The following ANKRD46 variants were observed in gnomAD, a reference collection of about 807,000 sequenced individuals.
ANKRD46 encodes ankyrin repeat domain 46.
In ANKRD46, 13 loss-of-function variants were observed where a neutral mutation model predicts 19.8. The observed-to-expected ratio is 0.66, with a 90% confidence interval of 0.43 to 1.04. ANKRD46 has a LOEUF of 1.04. Ranked by LOEUF, ANKRD46 falls within the 50% of genes least tolerant of loss-of-function variation. The pLI, the probability that ANKRD46 is intolerant of heterozygous loss-of-function variation, is 0.00. For synonymous variants in ANKRD46, 91 were observed against 106.9 expected, an observed-to-expected ratio of 0.85 and a Z score of 0.92; for missense variants, 185 against 274.8, an observed-to-expected ratio of 0.67 and a Z score of 2.31.
chr8:100,512,988 A>G (rs1811570771), intron 5 of ANKRD46, among the ~76,000 whole-genome samples: 1 of 152,208 alleles, frequency 6.6e-6, no homozygotes, highest in Non-Finnish European at 1.5e-5. Flanking sequence ...AGAGACTGCT[A>G]GAGTTCCTGA....
chr8:100,550,287 A>G lies in ANKRD46; in HGVS notation c.-131+9424T>C, dbSNP rs1316811595. Among the ~76,000 whole-genome samples, 1 of 152,258 alleles carries G rather than the reference A, an allele frequency of 6.6e-6. No homozygotes were observed. The highest frequency in any genetic ancestry group is 1.9e-4 in the East Asian group (1 of 5,200). On this transcript the variant is annotated intron_variant, in intron 1 of 4. Coordinates refer to ENST00000335659, the MANE Select transcript of ANKRD46 (RefSeq NM_001270377.2). The surrounding 1 kb of genome is among the most constrained non-coding windows in gnomAD (Gnocchi z 4.4). ...CATTTGGCATTCCCACTAGCAATGA[A>G]TAAGAGTTCCTGTTAATCCACATTC...
chr8:100,542,191 T>C (rs2130686644), intron 1 of ANKRD46, among the ~76,000 whole-genome samples: 1 of 152,282 alleles, frequency 6.6e-6, no homozygotes, highest in Non-Finnish European at 1.5e-5. Context: ...ATCACTCTAG[T>C]CTACATTTAC....
chr8:100,553,633 C>G (rs1812438271), intron 1 of ANKRD46, among the ~76,000 whole-genome samples: 2 of 152,094 alleles, frequency 1.3e-5, no homozygotes, highest in South Asian at 4.1e-4. Context: ...CCTGTAGTCG[C>G]AGCTACTTGG....
At chr8:100,547,549 G>A (rs929489046) in intron 1 of ANKRD46, among the ~76,000 whole-genome samples, 1 of 152,210 alleles carries the variant, frequency 6.6e-6, no homozygotes, top group Non-Finnish European at 1.5e-5. Context: ...TTGAGCCTGG[G>A]AGCTTGAGGC....
chr8:100,559,227 C>T lies in ANKRD46; in HGVS notation c.-131+484G>A, dbSNP rs1241599450. ...AGGTGTGCAAATCCTTCCTTTTAAC[C>T]CGGGCACCCCGGAGCCATGTGCCAT... On this transcript the variant is annotated intron_variant, in intron 1 of 4. Transcript: ENST00000335659. The surrounding 1 kb of genome is among the most constrained non-coding windows in gnomAD (Gnocchi z 6.0). 6.6e-6 allele frequency: 1 copy of T among 152,262 alleles called. No homozygotes were observed. The highest frequency in any genetic ancestry group is 1.5e-5 in the Non-Finnish European group (1 of 68,068). 9.4% of individuals were successfully genotyped at this position (152,262 alleles called of 1,614,324 possible). A position where few individuals can be genotyped will look rare whatever the true frequency, so the allele number is the denominator to read the frequency against.
chr8:100,513,964 G>C (rs1811589408), intron 5 of ANKRD46, among the ~76,000 whole-genome samples: 1 of 152,150 alleles, frequency 6.6e-6, no homozygotes, highest in Non-Finnish European at 1.5e-5. Context: ...AAATTTCGGT[G>C]AAACAGTCCA....
rs1811552008 is a variant in ANKRD46 at position 100,511,879 on chromosome 8, G to A, written c.637-1240C>T. 6.6e-6 allele frequency among the ~76,000 whole-genome samples: 1 copy of A among 152,188 alleles called. No homozygotes were observed. Among genetic ancestry groups the A allele is most frequent in the Non-Finnish European group, 1.5e-5 (1 of 68,028 alleles). ...ATCTCTACTAAAAATACAAAAATTA[G>A]CTGGGTGGGGTGGTGCATGCCTGTA... On this transcript the variant is annotated intron_variant, in intron 5 of 5. Transcript: ENST00000520552. The surrounding 1 kb of genome is among the most constrained non-coding windows in gnomAD (Gnocchi z 4.1).
rs1812022909 is a variant in ANKRD46, at chr8:100,534,421, C to A, written c.-130-1110G>T. ...CTCATTTCCTACTTCTTTTGTGATA[C>A]CACAGTATCAATTTAGACGAACTTC... On this transcript the variant is annotated intron_variant, in intron 1 of 4. Transcript: ENST00000335659. This position sits in a 1 kb window ranked among gnomAD's most constrained non-coding sequence, Gnocchi z 4.2. Among the ~76,000 whole-genome samples the A allele has an allele frequency of 2.0e-5, 3 of 152,160 alleles. No homozygotes were observed. Among genetic ancestry groups the A allele is most frequent in the African/African-American group, 7.2e-5 (3 of 41,434 alleles).
chr8:100,556,120 A>G (rs115070658), intron 1 of ANKRD46, among the ~76,000 whole-genome samples: 2,075 of 152,308 alleles, frequency 0.014, 52 homozygotes, highest in African/African-American at 0.047. Context: ...TCCCAGGCCC[A>G]TGAGATGCTT....
At position 100,559,088 on chromosome 8, in the gene ANKRD46, C is replaced by T. The variant is rs1468380004; in HGVS notation, c.-131+623G>A. 2.6e-5 allele frequency: 4 copies of T among 152,082 alleles called. No individual in the cohort carries two copies. In the East Asian group the frequency reaches 5.8e-4, roughly 22 times the overall value. 9.4% of individuals were successfully genotyped at this position (152,082 alleles called of 1,614,324 possible). A position where few individuals can be genotyped will look rare whatever the true frequency, so the allele number is the denominator to read the frequency against. On this transcript the variant is annotated intron_variant, in intron 1 of 4. Coordinates refer to ENST00000335659, the MANE Select transcript of ANKRD46 (RefSeq NM_001270377.2). The surrounding 1 kb of genome is among the most constrained non-coding windows in gnomAD (Gnocchi z 6.0). Reference sequence around the variant, plus strand: ...GAATACCGTGGAACGTTACAAAAAACAGATGTTATTTTCTTGAGGTACTGT... The same window carrying T: ...GAATACCGTGGAACGTTACAAAAAATAGATGTTATTTTCTTGAGGTACTGT...
chr8:100,519,436 G>C (rs1264748209), downstream of ANKRD46, among the ~76,000 whole-genome samples: 1 of 152,198 alleles, frequency 6.6e-6, no homozygotes, highest in Non-Finnish European at 1.5e-5. Context: ...AAAGATTCTG[G>C]ATGATGTCAC....
rs2130692170 is a variant in ANKRD46 at position 100,544,926 on chromosome 8, A to G, written c.-130-11615T>C. Among the ~76,000 whole-genome samples, 1 of 152,274 alleles carries G rather than the reference A, an allele frequency of 6.6e-6. No individual in the cohort carries two copies. The highest frequency in any genetic ancestry group is 2.4e-5 in the African/African-American group (1 of 41,556). On this transcript the variant is annotated intron_variant, in intron 1 of 4. Coordinates refer to ENST00000335659, the MANE Select transcript of ANKRD46 (RefSeq NM_001270377.2). The surrounding 1 kb of genome is among the most constrained non-coding windows in gnomAD (Gnocchi z 4.4). Reference sequence around the variant, plus strand: ...CAGAGTGAACAAGCAGAGAAGCCCAAGGAGATAATAACAGTATTGTACACT... The same window carrying G: ...CAGAGTGAACAAGCAGAGAAGCCCAGGGAGATAATAACAGTATTGTACACT...
At chr8:100,518,991 C>G (rs1424166239), downstream of ANKRD46, among the ~76,000 whole-genome samples, 4 of 152,182 alleles carry the variant, frequency 2.6e-5, no homozygotes, top group Non-Finnish European at 5.9e-5. Context: ...GCAGAACATT[C>G]AAGAATCATG....
At position 100,510,537 on chromosome 8, in the gene ANKRD46, G is replaced by A; in HGVS notation, c.*40C>T. On this transcript the variant is annotated 3_prime_UTR_variant, in exon 6 of 6. Transcript: ENST00000520552. This position sits in a 1 kb window ranked among gnomAD's most constrained non-coding sequence, Gnocchi z 4.9. ...CTGACGTCTGTATCCCTTCTTTCTT[G>A]CCTTCTGAGGCTCAGGAGCACAGGA... is the stretch of plus-strand genomic sequence containing the variant. 1.3e-6 allele frequency: 2 copies of A among 1,518,920 alleles called. No individual in the cohort carries two copies. Among genetic ancestry groups the A allele is most frequent in the Non-Finnish European group, 1.8e-6 (2 of 1,135,382 alleles). 94.1% of individuals were successfully genotyped at this position (1,518,920 alleles called of 1,614,324 possible). A position where few individuals can be genotyped will look rare whatever the true frequency, so the allele number is the denominator to read the frequency against.
chr8:100,539,168 G>A (rs1812124830), intron 1 of ANKRD46, among the ~76,000 whole-genome samples: 1 of 152,172 alleles, frequency 6.6e-6, no homozygotes, highest in African/African-American at 2.4e-5. Context: ...TCCTAAACTA[G>A]GATGGACTTA....
chr8:100,526,953 G>C (rs1177021450), intron 4 of ANKRD46, among the ~76,000 whole-genome samples: 1 of 152,014 alleles, frequency 6.6e-6, no homozygotes, highest in Non-Finnish European at 1.5e-5. Context: ...CTGGGAAGAG[G>C]CTATGGAAGC....
At chr8:100,513,468 ATT>A (rs1563922635) in intron 5 of ANKRD46, among the ~76,000 whole-genome samples, 1 of 152,206 alleles carries the variant, frequency 6.6e-6, no homozygotes. Context: ...GGTTCCTATT[ATT>A]TGTTTTAAAC....
intron 1 of ANKRD46, among the ~76,000 whole-genome samples, chr8:100,547,169 AG>A (rs1441723012): frequency 2.6e-5 from 4 of 152,120 alleles, no homozygotes; most frequent in African/African-American, 7.2e-5. Context: ...GAGATTTGGG[AG>A]GGGCCAGGAG....
At position 100,550,623 on chromosome 8, in the gene ANKRD46, T is replaced by TTCCCAGTGTGGTGGGGGAC. The variant is rs1812366090; in HGVS notation, c.-131+9069_-131+9087dup. Reference sequence around the variant, plus strand: ...GCATGGAAACTGTGAAGAGGGGAGATTCCCAGTGTGGTGGGGGACTGAGCA... The same window carrying TTCCCAGTGTGGTGGGGGAC: ...GCATGGAAACTGTGAAGAGGGGAGATTCCCAGTGTGGTGGGGGACTCCCAGTGTGGTGGGGGACTGAGCA... On this transcript the variant is annotated intron_variant, in intron 1 of 4. Transcript: ENST00000335659. The surrounding 1 kb of genome is among the most constrained non-coding windows in gnomAD (Gnocchi z 4.4). The TTCCCAGTGTGGTGGGGGAC allele has an allele frequency of 9.6e-6, 2 of 207,858 alleles. No homozygotes were observed. The highest frequency in any genetic ancestry group is 4.7e-5 in the African/African-American group (2 of 42,324). 12.9% of individuals were successfully genotyped at this position (207,858 alleles called of 1,614,324 possible).
Sources: gnomAD v4.1 joint callset for allele counts (sites outside exome capture counted in the v4.1 genomes callset) on GRCh38, gnomAD v4.1.1 for gene constraint, Gnocchi (gnomAD v3.1) non-coding constraint, MANE v1.5 for transcripts, NCBI Gene and HGNC (gene_info 2026-07-23, HGNC 2026-07-21) for gene names.